RBFOX1: variants seen among roughly 807,000 people sequenced by gnomAD.
RBFOX1 encodes RNA binding fox-1 homolog 1, also known as RNA binding protein fox-1 homolog 1.
Under a neutral mutation model 57.7 loss-of-function variants are expected in RBFOX1, and 8 were observed. That is an observed-to-expected ratio of 0.14 (90% CI 0.08 to 0.25). The LOEUF (loss-of-function observed/expected upper bound fraction) is 0.25, where lower values mean the gene tolerates loss of function less well. RBFOX1 is among the 10% of genes least tolerant of loss of function. The pLI is 1.00. For missense variants in RBFOX1, 611 were observed against 548.5 expected, an observed-to-expected ratio of 1.11 and a Z score of -1.14; for synonymous variants, 326 against 222.4, an observed-to-expected ratio of 1.47 and a Z score of -4.15.
intron 2 of RBFOX1, among the ~76,000 whole-genome samples, chr16:5,534,949 T>C (rs2044637899): frequency 6.6e-6 from 1 of 152,208 alleles, no homozygotes; most frequent in Admixed American, 6.5e-5. Context: ...ATTCATCCAT[T>C]CATTCAGAAA....
chr16:5,575,619 G>T (rs4786717), intron 2 of RBFOX1, among the ~76,000 whole-genome samples: 91 of 152,312 alleles, frequency 6.0e-4, no homozygotes, highest in African/African-American at 1.9e-3. Context: ...TGTCTCCGAA[G>T]CAAAGCTTCC....
intron 4 of RBFOX1, among the ~76,000 whole-genome samples, chr16:5,976,166 A>T (rs2060058752): frequency 2.0e-5 from 3 of 151,912 alleles, no homozygotes; most frequent in Admixed American, 2.0e-4. Context: ...ATAAATAAAT[A>T]ATAAAATAAA....
At chr16:5,560,696 C>T (rs1328487442) in intron 2 of RBFOX1, among the ~76,000 whole-genome samples, 1 of 152,206 alleles carries the variant, frequency 6.6e-6, no homozygotes, top group African/African-American at 2.4e-5. Context: ...CTGTGCTCCA[C>T]ATCTTTTTTC....
chr16:5,955,118 TAAAAAAAAAAAA>T (rs34488881), intron 4 of RBFOX1, among the ~76,000 whole-genome samples: 231 of 14,302 alleles, frequency 0.016, 8 homozygotes, highest in Admixed American at 0.058. Flanking sequence ...CCATCTCTAC[TAAAAAAAAAAAA>T]AAAAAAAAAA....
At chr16:7,640,006 C>T (rs74013865) in intron 11 of RBFOX1, among the ~76,000 whole-genome samples, 9,711 of 152,246 alleles carry the variant, frequency 0.064, 589 homozygotes, top group African/African-American at 0.16. Flanking sequence ...TCTCCATCTG[C>T]TCAACTTTTC....
At chr16:5,856,354 A>G (rs1302343657) in intron 3 of RBFOX1, among the ~76,000 whole-genome samples, 3 of 123,108 alleles carry the variant, frequency 2.4e-5, no homozygotes, top group African/African-American at 9.0e-5. Flanking sequence ...TATATATATA[A>G]TGTTATGATT....
chr16:6,129,244 T>C lies in RBFOX1; in HGVS notation c.-127+109252T>C, dbSNP rs374409695. Among the ~76,000 whole-genome samples the C allele has an allele frequency of 2.6e-3, 390 of 152,088 alleles. 2 individuals carry two copies. Among genetic ancestry groups the C allele is most frequent in the African/African-American group, 9.1e-3 (379 of 41,498 alleles). On this transcript the variant is annotated intron_variant, in intron 1 of 15. Coordinates refer to ENST00000550418, the MANE Select transcript of RBFOX1 (RefSeq NM_018723.4). ...ATCAGAAATGACTTTAAAACCACAA[T>C]TGTAAATATGTTGAAGACTTAAAGA...
intron 3 of RBFOX1, among the ~76,000 whole-genome samples, chr16:5,750,595 G>A (rs962480628): frequency 7.9e-5 from 12 of 152,198 alleles, no homozygotes; most frequent in African/African-American, 1.7e-4. Flanking sequence ...CCTCGCTGCC[G>A]TCTTGCAGTT....
chr16:6,924,372 G>C (rs964122814), intron 3 of RBFOX1, among the ~76,000 whole-genome samples: 43 of 151,968 alleles, frequency 2.8e-4, no homozygotes, highest in Admixed American at 7.2e-4. Flanking sequence ...GCAAGAGAGA[G>C]GGGAGGAGGT....
At chr16:7,583,148 C>T (rs78580985) in intron 6 of RBFOX1, among the ~76,000 whole-genome samples, 37 of 132,388 alleles carry the variant, frequency 2.8e-4, no homozygotes, top group African/African-American at 9.7e-4. Flanking sequence ...TCTAGCTCAT[C>T]TTTTTTTTTT....
At chr16:7,665,375 T>G (rs1224761564) in intron 13 of RBFOX1, among the ~76,000 whole-genome samples, 1 of 152,196 alleles carries the variant, frequency 6.6e-6, no homozygotes, top group East Asian at 1.9e-4. Flanking sequence ...TGGCTGCTAT[T>G]TTTGATGTTT....
chr16:6,650,477 A>G (rs1040338985), intron 2 of RBFOX1, among the ~76,000 whole-genome samples: 13 of 152,162 alleles, frequency 8.5e-5, no homozygotes, highest in African/African-American at 3.1e-4. Context: ...ATTCAGTATG[A>G]GTTACCTAAT....
intron 2 of RBFOX1, among the ~76,000 whole-genome samples, chr16:6,611,209 C>T (rs11077056): frequency 0.13 from 19,594 of 152,080 alleles, 1,487 homozygotes; most frequent in East Asian, 0.35. Flanking sequence ...TATAATGGTG[C>T]AATCTAGGAT....
intron 1 of RBFOX1, among the ~76,000 whole-genome samples, chr16:6,246,405 C>T (rs564768654): frequency 1.3e-5 from 2 of 152,242 alleles, no homozygotes; most frequent in South Asian, 4.2e-4. Context: ...CTCCCCTTTC[C>T]CCAAAAGCAA....
chr16:7,028,605 CACACAAAAAAA>C (rs1408586632), intron 3 of RBFOX1, among the ~76,000 whole-genome samples: 3 of 37,424 alleles, frequency 8.0e-5, no homozygotes, highest in African/African-American at 3.6e-4. Flanking sequence ...CACACACACA[CACACAAAAAAA>C]AAAAAAAAAA....
intron 1 of RBFOX1, among the ~76,000 whole-genome samples, chr16:6,183,611 A>T (rs528650029): frequency 1.3e-5 from 2 of 152,286 alleles, no homozygotes; most frequent in South Asian, 4.1e-4. Flanking sequence ...TCTGATGTGT[A>T]ACATTTGTGC....
chr16:6,712,840 G>A (rs2063965053), intron 3 of RBFOX1, among the ~76,000 whole-genome samples: 1 of 147,554 alleles, frequency 6.8e-6, no homozygotes, highest in Admixed American at 6.8e-5. Context: ...ACCCTCATGT[G>A]TCATGGGAGG....
At chr16:5,610,771 G>C (rs960586644) in intron 3 of RBFOX1, 2 of 152,246 alleles carry the variant, frequency 1.3e-5, no homozygotes, top group Middle Eastern at 3.2e-3. Flanking sequence ...CAGAGGCTGA[G>C]GTGGGAGGAT....
chr16:6,831,743 C>G (rs530256064), intron 3 of RBFOX1, among the ~76,000 whole-genome samples: 7 of 152,082 alleles, frequency 4.6e-5, no homozygotes, highest in Non-Finnish European at 1.0e-4. Flanking sequence ...AGAGCTGGAT[C>G]TTTGGGCAAT....
Sources: allele counts gnomAD v4.1 joint callset (sites outside exome capture counted in the v4.1 genomes callset), GRCh38; gene constraint gnomAD v4.1.1; transcripts MANE v1.5; gene names NCBI Gene and HGNC (gene_info 2026-07-23, HGNC 2026-07-21).